SCHIP1: variants seen among roughly 807,000 people sequenced by gnomAD.
SCHIP1 encodes schwannomin-interacting protein 1.
SCHIP1 carries 8 observed loss-of-function variants against 29.7 expected under a neutral mutation model. The observed-to-expected ratio is 0.27, with a 90% CI of 0.16 to 0.49. The LOEUF (loss-of-function observed/expected upper bound fraction) is 0.49, where lower values mean the gene tolerates loss of function less well. Ranked by LOEUF, SCHIP1 falls within the 20% of genes least tolerant of loss-of-function variation. The probability of loss-of-function intolerance (pLI) is 0.99; values close to 1 mark genes in which losing one functional copy is unlikely to be tolerated. For missense variants in SCHIP1, 193 were observed against 294.6 expected, an observed-to-expected ratio of 0.66 and a Z score of 2.52; for synonymous variants, 76 against 94.9, an observed-to-expected ratio of 0.80 and a Z score of 1.16.
At chr3:159,295,646 C>A in the SCHIP1 span, among the ~76,000 whole-genome samples, 179 of 152,274 alleles carry the variant, frequency 1.2e-3, no homozygotes, top group African/African-American at 4.2e-3. Context: ...CAGGTCCCAT[C>A]TCTCAGGCTC....
At chr3:159,295,359 G>A in the SCHIP1 span, among the ~76,000 whole-genome samples, 1 of 151,836 alleles carries the variant, frequency 6.6e-6, no homozygotes, top group African/African-American at 2.4e-5. Context: ...AACCCGGGAG[G>A]TGGAGGTTGC....
the SCHIP1 span, among the ~76,000 whole-genome samples, chr3:159,589,106 G>A: frequency 6.6e-6 from 1 of 152,164 alleles, no homozygotes; most frequent in African/African-American, 2.4e-5. Flanking sequence ...AGCATGGAAT[G>A]TTCTTCCATT....
the SCHIP1 span, among the ~76,000 whole-genome samples, chr3:159,821,879 G>C: frequency 5.3e-5 from 8 of 152,154 alleles, no homozygotes. Context: ...GTGATACTGC[G>C]ACAGTTCATC....
the SCHIP1 span, among the ~76,000 whole-genome samples, chr3:159,731,366 C>T: frequency 3.3e-5 from 5 of 152,216 alleles, no homozygotes; most frequent in African/African-American, 7.2e-5. Flanking sequence ...TAAAGCACAT[C>T]CTCGTCCCTG....
At chr3:159,784,407 C>T in the SCHIP1 span, among the ~76,000 whole-genome samples, 10 of 152,336 alleles carry the variant, frequency 6.6e-5, no homozygotes, top group South Asian at 2.1e-3. Context: ...TTCATCTTGA[C>T]ACTATAAGGA....
chr3:159,473,265 G>C, the SCHIP1 span, among the ~76,000 whole-genome samples: 1 of 151,736 alleles, frequency 6.6e-6, no homozygotes, highest in East Asian at 1.9e-4. Flanking sequence ...CTGCAATTGG[G>C]GAAAATAAAA....
the SCHIP1 span, among the ~76,000 whole-genome samples, chr3:159,705,276 T>A: frequency 6.6e-6 from 1 of 152,020 alleles, no homozygotes; most frequent in South Asian, 2.1e-4. Flanking sequence ...CAATACAATA[T>A]TTTCAAAAAT....
At chr3:159,495,206 A>T in the SCHIP1 span, among the ~76,000 whole-genome samples, 4 of 152,222 alleles carry the variant, frequency 2.6e-5, no homozygotes, top group Admixed American at 2.0e-4. Flanking sequence ...CAAGACAGGG[A>T]TGCCCTCTTT....
the SCHIP1 span, among the ~76,000 whole-genome samples, chr3:159,434,385 C>T: frequency 6.6e-6 from 1 of 151,974 alleles, no homozygotes; most frequent in African/African-American, 2.4e-5. Flanking sequence ...AGCAGAAAAC[C>T]CAACTAATAG....
the SCHIP1 span, among the ~76,000 whole-genome samples, chr3:159,461,187 G>A: frequency 1.3e-5 from 2 of 152,088 alleles, no homozygotes; most frequent in African/African-American, 4.8e-5. Context: ...TAAGTGGAAT[G>A]GCCTCTTCAT....
chr3:159,647,157 A>G, the SCHIP1 span, among the ~76,000 whole-genome samples: 1 of 152,136 alleles, frequency 6.6e-6, no homozygotes, highest in Admixed American at 6.6e-5. Flanking sequence ...AGGAGAGAAG[A>G]CATTAGTGCA....
chr3:159,391,454 C>A, the SCHIP1 span, among the ~76,000 whole-genome samples: 7 of 152,114 alleles, frequency 4.6e-5, no homozygotes, highest in African/African-American at 1.7e-4. Flanking sequence ...ATGATATATT[C>A]TCTAAGGAAA....
the SCHIP1 span, among the ~76,000 whole-genome samples, chr3:159,592,098 A>T: frequency 6.6e-6 from 1 of 152,016 alleles, no homozygotes; most frequent in Non-Finnish European, 1.5e-5. Context: ...CATCTGCAGC[A>T]AACACAAGTT....
At chr3:159,278,823 G>GT in the SCHIP1 span, among the ~76,000 whole-genome samples, 6 of 152,150 alleles carry the variant, frequency 3.9e-5, no homozygotes, top group Admixed American at 1.3e-4. Flanking sequence ...ACAAACAGCA[G>GT]TTTTTTTCCT....
At chr3:159,396,744 GC>G in the SCHIP1 span, among the ~76,000 whole-genome samples, 1 of 151,554 alleles carries the variant, frequency 6.6e-6, no homozygotes, top group Non-Finnish European at 1.5e-5. Context: ...CTCTCTGGCT[GC>G]CCTTAACATT....
At chr3:159,407,834 A>T in the SCHIP1 span, among the ~76,000 whole-genome samples, 1 of 152,206 alleles carries the variant, frequency 6.6e-6, no homozygotes, top group Non-Finnish European at 1.5e-5. Flanking sequence ...TTCTTGAAAC[A>T]AATCATAATG....
chr3:159,827,811 CAAAA>C, the SCHIP1 span, among the ~76,000 whole-genome samples: 2 of 75,466 alleles, frequency 2.7e-5, no homozygotes, highest in Non-Finnish European at 6.2e-5. Flanking sequence ...GACTCCGTCT[CAAAA>C]AAAAAAAAAA....
At chr3:159,810,403 A>AT in the SCHIP1 span, among the ~76,000 whole-genome samples, 3 of 152,206 alleles carry the variant, frequency 2.0e-5, no homozygotes, top group Non-Finnish European at 2.9e-5. Context: ...TTGTTCAAAC[A>AT]TCCCCACAAC....
the SCHIP1 span, among the ~76,000 whole-genome samples, chr3:159,815,610 A>G: frequency 6.6e-6 from 1 of 152,216 alleles, no homozygotes; most frequent in Non-Finnish European, 1.5e-5. Context: ...TAAGTTTACC[A>G]TATATACTCC....
Sources: gnomAD v4.1 joint callset for allele counts (sites outside exome capture counted in the v4.1 genomes callset) on GRCh38, gnomAD v4.1.1 for gene constraint, MANE v1.5 for transcripts, NCBI Gene and HGNC (gene_info 2026-07-23, HGNC 2026-07-21) for gene names.